BAZ2B: variants seen among roughly 807,000 people sequenced by gnomAD.
BAZ2B encodes the protein bromodomain adjacent to zinc finger domain 2B.
Under a neutral mutation model 246.0 loss-of-function variants are expected in BAZ2B, and 91 were observed. The observed-to-expected ratio is 0.37, with a 90% confidence interval of 0.31 to 0.44. BAZ2B has a LOEUF of 0.44. Ranked by LOEUF, BAZ2B falls within the 20% of genes least tolerant of loss-of-function variation. BAZ2B has a pLI of 1.00. For synonymous variants in BAZ2B, 855 were observed against 860.0 expected (o/e 0.99, Z 0.10); for missense variants, 2,332 against 2,533.7 (o/e 0.92, Z 1.71).
the BAZ2B span, among the ~76,000 whole-genome samples, chr2:159,666,007 G>A: frequency 1.3e-5 from 2 of 152,134 alleles, no homozygotes; most frequent in African/African-American, 4.8e-5. Flanking sequence ...TCACATTCAT[G>A]TATCCTTTTA....
intron 1 of BAZ2B, among the ~76,000 whole-genome samples, chr2:159,607,985 A>G (rs1693885396): frequency 6.6e-6 from 1 of 152,216 alleles, no homozygotes; most frequent in South Asian, 2.1e-4. Context: ...AATGTATCAA[A>G]TATGTGCAAT....
chr2:159,565,792 A>AGG, intron 1 of BAZ2B, among the ~76,000 whole-genome samples: 1 of 142,172 alleles, frequency 7.0e-6, no homozygotes, highest in South Asian at 2.2e-4. Flanking sequence ...AAAAAAAAAA[A>AGG]GGAAAAAAAA....
At chr2:159,397,549 C>T (rs746836555) in intron 18 of BAZ2B, among the ~76,000 whole-genome samples, 160 bp from the exon 19 acceptor site, 1 of 152,058 alleles carries the variant, frequency 6.6e-6, no homozygotes, top group South Asian at 2.1e-4. Context: ...AATGTCAATT[C>T]GATTTTGTAT....
At chr2:159,597,267 T>C (rs1269843610) in intron 1 of BAZ2B, among the ~76,000 whole-genome samples, 2 of 152,218 alleles carry the variant, frequency 1.3e-5, no homozygotes. Context: ...ATTTGAGTAT[T>C]TAAAATGTTC....
chr2:159,385,486 A>AC (rs1285230632), intron 22 of BAZ2B, 117 bp from the exon 23 acceptor site: 1 of 808,440 alleles, frequency 1.2e-6, no homozygotes, highest in African/African-American at 2.0e-5. Context: ...AGCTTTATTC[A>AC]CTTTTTTTTT....
chr2:159,494,419 T>C (rs1577738260), intron 2 of BAZ2B, among the ~76,000 whole-genome samples: 1 of 152,182 alleles, frequency 6.6e-6, no homozygotes, highest in African/African-American at 2.4e-5. Context: ...TGATTACTAC[T>C]ATATAAATAT....
At chr2:159,695,678 T>A in the BAZ2B span, among the ~76,000 whole-genome samples, 1 of 152,298 alleles carries the variant, frequency 6.6e-6, no homozygotes, top group Admixed American at 6.5e-5. Flanking sequence ...TTGAAGAAAA[T>A]GAATTGACCA....
chr2:159,462,621 C>A (rs1351614980), intron 3 of BAZ2B: 4 of 910,496 alleles, frequency 4.4e-6, no homozygotes, highest in Non-Finnish European at 7.4e-6. Context: ...GAATCCTGTA[C>A]ATCTTTATGA....
rs913624881 is a variant in BAZ2B at position 159,320,191 on chromosome 2, T to G, written c.*74A>C. The G allele has an allele frequency of 1.5e-6, 2 of 1,316,232 alleles. No homozygotes were observed. The highest frequency in any genetic ancestry group is 2.0e-6 in the Non-Finnish European group (2 of 998,788). 81.5% of individuals were successfully genotyped at this position (1,316,232 alleles called of 1,614,324 possible). A position where few individuals can be genotyped will look rare whatever the true frequency, so the allele number is the denominator to read the frequency against. ...ATTATGTATGTGCCTTGCACGTTTA[T>G]GTAAATACAGTTCACATTGCTGGTC... On this transcript the variant is annotated 3_prime_UTR_variant, in exon 37 of 37. Coordinates refer to ENST00000392783, the MANE Select transcript of BAZ2B (RefSeq NM_013450.4).
At chr2:159,334,475 A>G (rs1359777339) in intron 33 of BAZ2B, among the ~76,000 whole-genome samples, 1 of 152,192 alleles carries the variant, frequency 6.6e-6, no homozygotes, top group African/African-American at 2.4e-5. Flanking sequence ...ATTTCTAAAG[A>G]TATCGAGCAC....
At chr2:159,424,330 T>G (rs908169432) in intron 13 of BAZ2B, among the ~76,000 whole-genome samples, 1 of 152,148 alleles carries the variant, frequency 6.6e-6, no homozygotes, top group African/African-American at 2.4e-5. Flanking sequence ...CAATTAGCTT[T>G]TTTACTTCTT....
intron 2 of BAZ2B, among the ~76,000 whole-genome samples, chr2:159,518,201 G>A (rs1041875209): frequency 2.0e-5 from 3 of 152,164 alleles, no homozygotes; most frequent in African/African-American, 7.2e-5. Context: ...AAGAGGTACA[G>A]CAAATAAATT....
At position 159,561,499 on chromosome 2, in the gene BAZ2B, G is replaced by A. The variant is rs116236728; in HGVS notation, c.-45-5634C>T. Among the ~76,000 whole-genome samples the A allele has an allele frequency of 3.4e-3, 525 of 152,288 alleles. 4 individuals carry two copies. The highest frequency in any genetic ancestry group is 5.6e-3 in the Non-Finnish European group (380 of 68,022). On this transcript the variant is annotated intron_variant, in intron 1 of 36. Coordinates refer to ENST00000392783, the MANE Select transcript of BAZ2B (RefSeq NM_013450.4). ...ACACAGCTTTAAGTATTCCTTTAGA[G>A]CAACACAAAATAGACTAAGACAGTA... is the stretch of plus-strand genomic sequence containing the variant.
intron 2 of BAZ2B, among the ~76,000 whole-genome samples, chr2:159,523,738 C>T (rs2151277537): frequency 6.6e-6 from 1 of 152,026 alleles, no homozygotes; most frequent in South Asian, 2.1e-4. Flanking sequence ...AACTCAGGCC[C>T]CAGACTAGAC....
chr2:159,540,018 C>T lies in BAZ2B; in HGVS notation c.-3+15805G>A, dbSNP rs2086471627. On this transcript the variant is annotated intron_variant, in intron 2 of 36. Coordinates refer to ENST00000392783, the MANE Select transcript of BAZ2B (RefSeq NM_013450.4). ...TGTATATGCTATCACATTTTCCTTCCTCCATCCCTGTTTGGAGCTCTTATC... is the reference window on the plus strand; with the variant it reads ...TGTATATGCTATCACATTTTCCTTCTTCCATCCCTGTTTGGAGCTCTTATC... 2.0e-5 allele frequency among the ~76,000 whole-genome samples: 3 copies of T among 152,124 alleles called. 1 individual carries two copies. In the South Asian group the frequency reaches 6.2e-4, roughly 31 times the overall value.
the BAZ2B span, among the ~76,000 whole-genome samples, chr2:159,658,019 G>A: frequency 2.6e-5 from 4 of 152,174 alleles, no homozygotes; most frequent in Admixed American, 6.5e-5. Flanking sequence ...TGATCTTAGT[G>A]GGAAAGCATC....
At chr2:159,480,296 A>C (rs1182173961) in intron 2 of BAZ2B, among the ~76,000 whole-genome samples, 1 of 152,152 alleles carries the variant, frequency 6.6e-6, no homozygotes, top group African/African-American at 2.4e-5. Flanking sequence ...TTTGTACTCC[A>C]CAGCAGAAGT....
chr2:159,383,831 T>A lies in BAZ2B; in HGVS notation c.3687-151A>T, dbSNP rs2062296951. Reference sequence around the variant, plus strand: ...CCTCATGCATATACACGTTCATATATGTATGTGTTTATATATGTATACACA... The same window carrying A: ...CCTCATGCATATACACGTTCATATAAGTATGTGTTTATATATGTATACACA... On this transcript the variant is annotated intron_variant, in intron 23 of 36. Transcript: ENST00000392783. 1.1e-5 allele frequency: 7 copies of A among 629,872 alleles called. No homozygotes were observed. The South Asian group carries it at 1.4e-4, about 12-fold the overall frequency. 39.0% of individuals were successfully genotyped at this position (629,872 alleles called of 1,614,324 possible). A position where few individuals can be genotyped will look rare whatever the true frequency, so the allele number is the denominator to read the frequency against.
intron 16 of BAZ2B, among the ~76,000 whole-genome samples, chr2:159,401,830 T>A (rs1419710493): frequency 6.6e-6 from 1 of 152,200 alleles, no homozygotes; most frequent in Non-Finnish European, 1.5e-5. Context: ...TTGGCACTGA[T>A]GAGAATAAAT....
Sources: allele counts gnomAD v4.1 joint callset (sites outside exome capture counted in the v4.1 genomes callset), GRCh38; gene constraint gnomAD v4.1.1; transcripts MANE v1.5; gene names NCBI Gene and HGNC (gene_info 2026-07-23, HGNC 2026-07-21).